Variants in CCT4 observed in about 807,000 individuals in gnomAD.
The protein encoded by CCT4 is T-complex protein 1 subunit delta.
Under a neutral mutation model 62.5 loss-of-function variants are expected in CCT4, and 17 were observed. The observed-to-expected ratio is 0.27, with a 90% CI of 0.19 to 0.41. CCT4 has a LOEUF of 0.41. CCT4 is among the 10% of genes least tolerant of loss of function. The probability of loss-of-function intolerance (pLI) is 1.00; values close to 1 mark genes in which losing one functional copy is unlikely to be tolerated. For missense variants in CCT4, 592 were observed against 659.2 expected, an observed-to-expected ratio of 0.90 and a Z score of 1.12; for synonymous variants, 250 against 229.9, an observed-to-expected ratio of 1.09 and a Z score of -0.79.
At position 61,878,962 on chromosome 2, in the gene CCT4, C is replaced by G. The variant is rs1338068707; in HGVS notation, c.429G>C (p.Lys143Asn). The part of the protein sequence containing the change: ...ISESFQKALE[K>N]GIEILTDMSR... ...ACATGTCAGTCAAGATTTCAATGCC[C>G]TTTTCCAGGGCCTTCTGGAATGACT... The change falls in exon 5 of 14, where the codon AAG (lysine) becomes AAC (asparagine). Residue 143 changes from lysine to asparagine, a missense_variant. By Grantham distance (94) the Lys-to-Asn change is moderately conservative (BLOSUM62 0). Around this residue, in one of 3 missense-constraint regions of CCT4, gnomAD observed 522 missense variants for 571.2 expected, o/e 0.91. Coordinates refer to ENST00000394440, the MANE Select transcript of CCT4 (RefSeq NM_006430.4). 11 of 1,610,820 alleles carry G rather than the reference C, an allele frequency of 6.8e-6. No homozygotes were observed. The highest frequency in any genetic ancestry group is 9.3e-6 in the Non-Finnish European group (11 of 1,178,382).
intron 4 of CCT4, among the ~76,000 whole-genome samples, chr2:61,879,877 C>T (rs999418758): frequency 4.6e-5 from 7 of 151,996 alleles, no homozygotes; most frequent in East Asian, 3.9e-4. Context: ...ATTACAGGCA[C>T]GCGCCACCAT....
chr2:61,879,016 A>G lies in CCT4; in HGVS notation c.380-5T>C, dbSNP rs1473478762. The stretch of plus-strand genomic sequence containing the variant: ...AAATGATGGTTGGATGAATCCCTGT[A>G]ATTTGTGAAAGTCTAGTTATTTAAT... On this transcript the variant is annotated splice_region_variant and splice_polypyrimidine_tract_variant and intron_variant, in intron 4 of 13. Transcript: ENST00000394440. 2 of 1,588,062 alleles carry G rather than the reference A, an allele frequency of 1.3e-6. No homozygotes were observed. Among genetic ancestry groups the G allele is most frequent in the African/African-American group, 1.4e-5 (1 of 73,684 alleles).
chr2:61,877,749 C>T lies in CCT4; in HGVS notation c.523-235G>A, dbSNP rs993228285. ...TTTTTTCTTTTATTAATATAATAGC[C>T]GGGACTGTAGAATATCAAAGTTTTA... is the stretch of plus-strand genomic sequence containing the variant. On this transcript the variant is annotated intron_variant, in intron 5 of 13. Coordinates refer to ENST00000394440, the MANE Select transcript of CCT4 (RefSeq NM_006430.4). 6.6e-5 allele frequency among the ~76,000 whole-genome samples: 10 copies of T among 151,978 alleles called. No homozygotes were observed. In the East Asian group the frequency reaches 7.7e-4, roughly 12 times the overall value.
chr2:61,873,316 A>T, intron 8 of CCT4, 23 bp from the exon 9 acceptor site: 5 of 1,313,960 alleles, frequency 3.8e-6, no homozygotes, highest in Non-Finnish European at 4.4e-6. Context: ...ATCAGTGATT[A>T]TGTCAATGCT....
chr2:61,869,068 G>A (rs1668830282), intron 13 of CCT4, among the ~76,000 whole-genome samples: 1 of 148,388 alleles, frequency 6.7e-6, no homozygotes, highest in South Asian at 2.1e-4. Context: ...CTTGAACCCA[G>A]GAGGCGGAGG....
chr2:61,872,920 C>T (rs1668914354), intron 10 of CCT4, 82 bp downstream of exon 10: 1 of 833,068 alleles, frequency 1.2e-6, no homozygotes, highest in African/African-American at 1.7e-5. Context: ...GAGTGAGACT[C>T]CGTCTCAAAA....
intron 13 of CCT4, among the ~76,000 whole-genome samples, chr2:61,869,196 T>G (rs1668833908): frequency 1.5e-5 from 2 of 132,322 alleles, no homozygotes; most frequent in African/African-American, 2.9e-5. Flanking sequence ...AATGGCCAGG[T>G]GTGGTGGCTC....
chr2:61,877,539 AGTTACCTTCACAGTAG>A, intron 5 of CCT4, 25 bp from the exon 6 acceptor site: 2 of 1,345,950 alleles, frequency 1.5e-6, no homozygotes, highest in Non-Finnish European at 2.0e-6. Context: ...AAAAAAAAAA[AGTTACCTTCACAGTAG>A]AAAAAAGTCC....
intron 3 of CCT4, among the ~76,000 whole-genome samples, chr2:61,880,649 G>C (rs1171799303): frequency 6.6e-6 from 1 of 151,974 alleles, no homozygotes; most frequent in African/African-American, 2.4e-5. Flanking sequence ...AAAATATATC[G>C]TAAGTACTCT....
rs35373962 is a variant in CCT4, at chr2:61,879,256, C to CTTTT, written c.380-249_380-246dup. 2.2e-3 allele frequency among the ~76,000 whole-genome samples: 218 copies of CTTTT among 101,016 alleles called. 10 individuals are homozygous for CTTTT. Among genetic ancestry groups the CTTTT allele is most frequent in the Middle Eastern group, 9.4e-3 (1 of 106 alleles). The allele number at this position is 101,016 out of a possible 152,430, so 66.3% of individuals were successfully genotyped here. A position where few individuals can be genotyped will look rare whatever the true frequency, so the allele number is the denominator to read the frequency against. The stretch of plus-strand genomic sequence containing the variant: ...GTCTTGACTAAAACCAAATTTTATA[C>CTTTT]TTTTTTTTTTTTTTTTTTTTTCTGA... On this transcript the variant is annotated intron_variant, in intron 4 of 13. Coordinates refer to ENST00000394440, the MANE Select transcript of CCT4 (RefSeq NM_006430.4).
chr2:61,875,530 C>A (rs1305015041), intron 8 of CCT4, among the ~76,000 whole-genome samples: 1 of 149,866 alleles, frequency 6.7e-6, no homozygotes, highest in Non-Finnish European at 1.5e-5. Context: ...TTGCAGTGAG[C>A]CGAGATTGCA....
chr2:61,880,361 C>G lies in CCT4; in HGVS notation c.304G>C (p.Ala102Pro). 1 of 1,606,394 alleles carries G rather than the reference C, an allele frequency of 6.2e-7. No individual in the cohort carries two copies. The highest frequency in any genetic ancestry group is 8.5e-7 in the Non-Finnish European group (1 of 1,177,634). ...ACTACTGATGTGGTGCCATCTCCTG[C>G]TTCTATATCTTGAGCCTTAGACAGC... Reference protein sequence around the residue: ...VELSKAQDIEAGDGTTSVVII... With the variant: ...VELSKAQDIEPGDGTTSVVII... The change falls in exon 4 of 14, where the codon GCA (alanine) becomes CCA (proline). Residue 102 changes from alanine to proline, a missense_variant. Physicochemically the swap from Ala to Pro is conservative, Grantham distance 27. This residue lies in a region of CCT4 where 522 missense variants were observed against 571.2 expected (regional missense o/e 0.91). Coordinates refer to ENST00000394440, the MANE Select transcript of CCT4 (RefSeq NM_006430.4).
intron 12 of CCT4, among the ~76,000 whole-genome samples, chr2:61,871,195 C>T (rs1271050481): frequency 6.6e-6 from 1 of 151,906 alleles, no homozygotes; most frequent in East Asian, 1.9e-4. Flanking sequence ...CTTCGCCTGG[C>T]TAATTTTTTT....
At chr2:61,871,033 T>G (rs75835741) in intron 12 of CCT4, among the ~76,000 whole-genome samples, 24,871 of 144,734 alleles carry the variant, frequency 0.17, 2,509 homozygotes, top group Middle Eastern at 0.29. Context: ...TATTAATAGT[T>G]TTTTTTTTTT....
intron 1 of CCT4, among the ~76,000 whole-genome samples, chr2:61,887,797 G>T (rs1285390486): frequency 6.6e-6 from 1 of 152,116 alleles, no homozygotes; most frequent in African/African-American, 2.4e-5. Context: ...TTCTTGATTT[G>T]CCTATGTTTC....
chr2:61,879,276 T>TTC (rs1669063350), intron 4 of CCT4, among the ~76,000 whole-genome samples: 1 of 147,154 alleles, frequency 6.8e-6, no homozygotes, highest in African/African-American at 2.5e-5. Flanking sequence ...TTTTTTTTTT[T>TTC]TCTGAGACAG....
At chr2:61,880,430 A>G in intron 3 of CCT4, 36 bp from the exon 4 acceptor site, 2 of 1,169,584 alleles carry the variant, frequency 1.7e-6, no homozygotes, top group Middle Eastern at 1.9e-4. Context: ...GCTCAATGAG[A>G]AATGACAGAA....
chr2:61,876,046 G>C (rs1027594996), intron 8 of CCT4, 49 bp downstream of exon 8: 1 of 1,272,490 alleles, frequency 7.9e-7, no homozygotes, highest in Non-Finnish European at 1.1e-6. Flanking sequence ...ACTGCTAGTG[G>C]AGATCCAAAA....
intron 12 of CCT4, among the ~76,000 whole-genome samples, chr2:61,870,748 A>G (rs376505386): frequency 1.5e-4 from 23 of 152,080 alleles, no homozygotes; most frequent in African/African-American, 5.1e-4. Context: ...GTGAAACACC[A>G]TATCTACTAA....
Sources: gnomAD v4.1 joint callset for allele counts (sites outside exome capture counted in the v4.1 genomes callset) on GRCh38, gnomAD v4.1.1 for gene constraint, gnomAD v4.1.1 regional missense constraint, MANE v1.5 for transcripts, NCBI Gene and HGNC (gene_info 2026-07-23, HGNC 2026-07-21) for gene names.